PRSS23: variants seen among roughly 807,000 people sequenced by gnomAD.
PRSS23 encodes serine protease 23.
In PRSS23, 25 loss-of-function variants were observed where a neutral mutation model predicts 34.7. The ratio of observed to expected loss-of-function variants is 0.72; its 90% confidence interval spans 0.53 to 1.01. The LOEUF (loss-of-function observed/expected upper bound fraction) is 1.01. PRSS23 is among the 50% of genes least tolerant of loss of function. The pLI is 0.00. For missense variants in PRSS23, 445 were observed against 475.6 expected, an observed-to-expected ratio of 0.94 and a Z score of 0.60; for synonymous variants, 176 against 186.6, an observed-to-expected ratio of 0.94 and a Z score of 0.46.
exon 2 of PRSS23, chr11:86,823,504 A>G (rs946722289): frequency 3.4e-5 from 24 of 702,404 alleles, no homozygotes; most frequent in African/African-American, 1.0e-4. Context: ...CTGAATACCA[A>G]CTAGGTTCCA....
chr11:86,807,049 C>T (rs773635176), intron 1 of PRSS23, among the ~76,000 whole-genome samples: 1 of 152,124 alleles, frequency 6.6e-6, no homozygotes, highest in Non-Finnish European at 1.5e-5. Flanking sequence ...TACCCTTTCT[C>T]GAGTGCACCA....
intron 2 of PRSS23, among the ~76,000 whole-genome samples, chr11:86,916,137 T>C (rs1455680172): frequency 6.6e-6 from 1 of 152,094 alleles, no homozygotes; most frequent in Non-Finnish European, 1.5e-5. Flanking sequence ...CCAGAATAAA[T>C]AATGCATACA....
intron 2 of PRSS23, among the ~76,000 whole-genome samples, chr11:86,896,046 G>A (rs1286102605): frequency 1.3e-5 from 2 of 152,058 alleles, no homozygotes; most frequent in Non-Finnish European, 2.9e-5. Flanking sequence ...TTGAAAATCT[G>A]CCTTTGTCTC....
chr11:86,821,320 A>G, intron 1 of PRSS23: 1 of 654,548 alleles, frequency 1.5e-6, no homozygotes, highest in Non-Finnish European at 2.6e-6. Context: ...GAAAATAAAC[A>G]TGTGAAAATA....
intron 2 of PRSS23, among the ~76,000 whole-genome samples, chr11:86,825,290 G>A (rs930151285): frequency 8.2e-4 from 125 of 152,180 alleles, no homozygotes; most frequent in Non-Finnish European, 1.5e-3. Context: ...TTTGAGAAGT[G>A]TCTGTTCATG....
At chr11:86,903,344 C>G (rs1387353412) in intron 2 of PRSS23, among the ~76,000 whole-genome samples, 2 of 152,166 alleles carry the variant, frequency 1.3e-5, no homozygotes, top group Non-Finnish European at 2.9e-5. Flanking sequence ...TCACTGCAAT[C>G]ATGCATAATG....
chr11:86,904,044 C>G (rs1292392010), intron 2 of PRSS23, among the ~76,000 whole-genome samples: 4 of 152,108 alleles, frequency 2.6e-5, no homozygotes, highest in Non-Finnish European at 5.9e-5. Flanking sequence ...AAATCTAAAA[C>G]CTTCTCACTA....
chr11:86,791,283 G>A (rs147727194), intron 1 of PRSS23: 8 of 152,356 alleles, frequency 5.3e-5, no homozygotes, highest in African/African-American at 1.9e-4. Flanking sequence ...TTTCAGGTGG[G>A]AGAACCAGCC....
intron 2 of PRSS23, chr11:86,936,927 C>T (rs1187434153): frequency 6.6e-6 from 1 of 151,778 alleles, no homozygotes; most frequent in Non-Finnish European, 1.5e-5. Context: ...CACCCTTACT[C>T]TTACATTTAG....
In PRSS23 at chr11:86,863,492, G is replaced by A. The variant is rs1169024404; in HGVS notation, c.206+39899G>A. ...TCAGTGAGCCTGGATTCAGGATGGG[G>A]GCCAAGAAGTAACTCAGTCTACTAC... On this transcript the variant is annotated intron_variant, in intron 2 of 2. Transcript: ENST00000533902. Among the ~76,000 whole-genome samples, 4 of 152,128 alleles carry A rather than the reference G, an allele frequency of 2.6e-5. No homozygotes were observed. The South Asian group carries it at 8.3e-4, about 32-fold the overall frequency.
chr11:86,800,291 G>C (rs932157329), upstream of PRSS23: 3 of 233,178 alleles, frequency 1.3e-5, no homozygotes, highest in Non-Finnish European at 2.1e-5. Context: ...CTGGCGCCGA[G>C]AGGCCCGGAC....
In PRSS23 at chr11:86,810,994, A is replaced by G. The variant is rs1297707676; in HGVS notation, c.*2199A>G. 1 of 166,746 alleles carries G rather than the reference A, an allele frequency of 6.0e-6. No individual in the cohort carries two copies. The highest frequency in any genetic ancestry group is 1.5e-5 in the Non-Finnish European group (1 of 68,124). 10.3% of individuals were successfully genotyped at this position (166,746 alleles called of 1,614,324 possible). On this transcript the variant is annotated 3_prime_UTR_variant, in exon 2 of 2. Transcript: ENST00000280258. ...ATACATATTAGAAGCATATTTGCCT[A>G]GTAAGGCTAGTAGAACCACATTTCC...
chr11:86,895,892 C>T (rs915395774), intron 2 of PRSS23, among the ~76,000 whole-genome samples: 1 of 152,126 alleles, frequency 6.6e-6, no homozygotes, highest in East Asian at 1.9e-4. Context: ...GATGAATTAA[C>T]AAATGCATCT....
chr11:86,877,300 T>C (rs952517005), intron 2 of PRSS23, among the ~76,000 whole-genome samples: 1 of 152,144 alleles, frequency 6.6e-6, no homozygotes, highest in Non-Finnish European at 1.5e-5. Context: ...GAAGATTTAG[T>C]GGGGGATTAA....
chr11:86,880,780 A>G (rs181162671), intron 2 of PRSS23, among the ~76,000 whole-genome samples: 19 of 152,352 alleles, frequency 1.2e-4, no homozygotes, highest in Admixed American at 8.5e-4. Flanking sequence ...TTTGCTGAGA[A>G]TGATGGTTTC....
chr11:86,833,382 G>T, intron 2 of PRSS23: 1 of 702,482 alleles, frequency 1.4e-6, no homozygotes, highest in Non-Finnish European at 2.6e-6. Context: ...GCCCAGCGAG[G>T]GCCAGCTGCA....
chr11:86,846,437 C>T (rs1293949898), intron 2 of PRSS23, among the ~76,000 whole-genome samples: 2 of 152,180 alleles, frequency 1.3e-5, no homozygotes, highest in African/African-American at 4.8e-5. Flanking sequence ...GGAAAAGGTT[C>T]TCTAACAACC....
At chr11:86,876,839 AG>A (rs1191947164) in intron 2 of PRSS23, among the ~76,000 whole-genome samples, 1 of 150,542 alleles carries the variant, frequency 6.6e-6, no homozygotes, top group Admixed American at 6.6e-5. Flanking sequence ...CCAATTAGAA[AG>A]ACAAGTGGGC....
chr11:86,915,277 G>T (rs1949004294), intron 2 of PRSS23, among the ~76,000 whole-genome samples: 1 of 152,258 alleles, frequency 6.6e-6, no homozygotes, highest in East Asian at 1.9e-4. Context: ...AACTCAGGGT[G>T]GGTTAGGGAG....
Sources: gnomAD v4.1 joint callset for allele counts (sites outside exome capture counted in the v4.1 genomes callset) on GRCh38, gnomAD v4.1.1 for gene constraint, MANE v1.5 for transcripts, NCBI Gene and HGNC (gene_info 2026-07-23, HGNC 2026-07-21) for gene names.